The following ADAM22 variants were observed in gnomAD, a reference collection of about 807,000 sequenced individuals.
The protein encoded by ADAM22 is ADAM metallopeptidase domain 22, also known as disintegrin and metalloproteinase domain-containing protein 22.
A neutral mutation model predicts 144.6 loss-of-function variants in ADAM22; 65 were observed. The ratio of observed to expected loss-of-function variants is 0.45; its 90% CI spans 0.37 to 0.55. ADAM22 has a LOEUF of 0.55. Among genes scored for constraint, ADAM22 ranks in the 20% least tolerant of loss-of-function variants. The probability of loss-of-function intolerance (pLI) is 0.00; values close to 1 mark genes in which losing one functional copy is unlikely to be tolerated. For synonymous variants in ADAM22, 391 were observed against 412.6 expected (o/e 0.95, Z 0.63); for missense variants, 974 against 1,184.9 (o/e 0.82, Z 2.61).
intron 14 of ADAM22, among the ~76,000 whole-genome samples, chr7:88,142,724 G>A (rs1835104937): frequency 6.6e-6 from 1 of 151,958 alleles, no homozygotes; most frequent in Non-Finnish European, 1.5e-5. Context: ...TGTAGTCCCA[G>A]CTACTCGGGA....
chr7:87,951,701 GATGGCATTGAATCTATAAATTACCT>G (rs1214728540), intron 2 of ADAM22, among the ~76,000 whole-genome samples: 2 of 87,394 alleles, frequency 2.3e-5, no homozygotes, highest in African/African-American at 1.2e-4. Flanking sequence ...GCTTGATGGG[GATGGCATTGAATCTATAAATTACCT>G]TGGGCAGTAT....
intron 2 of ADAM22, among the ~76,000 whole-genome samples, chr7:87,939,336 G>A (rs989584542): frequency 6.6e-6 from 1 of 152,206 alleles, no homozygotes; most frequent in African/African-American, 2.4e-5. Context: ...GGACAGATAA[G>A]ATAAAACAGG....
chr7:88,018,762 TG>T (rs1435986730), intron 3 of ADAM22, among the ~76,000 whole-genome samples: 10 of 150,914 alleles, frequency 6.6e-5, no homozygotes, highest in Non-Finnish European at 1.5e-4. Flanking sequence ...GGAGATCAAA[TG>T]TTGTTTAAAT....
intron 3 of ADAM22, among the ~76,000 whole-genome samples, chr7:88,017,836 C>CAT (rs547154427): frequency 6.8e-6 from 1 of 147,400 alleles, no homozygotes; most frequent in Non-Finnish European, 1.5e-5. Flanking sequence ...TAAATACATA[C>CAT]ATATATATAC....
At chr7:88,109,244 CT>C (rs1299564938) in intron 5 of ADAM22, among the ~76,000 whole-genome samples, 3 of 152,030 alleles carry the variant, frequency 2.0e-5, no homozygotes, top group Admixed American at 6.6e-5. Flanking sequence ...AAAGTTCATC[CT>C]TCCTCAAGGC....
rs71120015 is a variant in ADAM22 at position 87,980,287 on chromosome 7, C to CTTTTTTTTTTTTTTT, written c.323+1887_323+1888insTTTTTTTTTTTTTTT. On this transcript the variant is annotated intron_variant, in intron 3 of 31. Coordinates refer to ENST00000413139, the MANE Select transcript of ADAM22 (RefSeq NM_001324418.2). ...TGGGCTGAGAAACATGCACTGTGCT[C>CTTTTTTTTTTTTTTT]TTTTTTTTTTTTGCCTGGGATCGAT... Among the ~76,000 whole-genome samples, 186 of 118,352 alleles carry CTTTTTTTTTTTTTTT rather than the reference C, an allele frequency of 1.6e-3. 4 individuals are homozygous for CTTTTTTTTTTTTTTT. Among genetic ancestry groups the CTTTTTTTTTTTTTTT allele is most frequent in the African/African-American group, 3.1e-3 (80 of 26,200 alleles). 77.6% of individuals were successfully genotyped at this position (118,352 alleles called of 152,430 possible).
intron 4 of ADAM22, among the ~76,000 whole-genome samples, chr7:88,082,735 A>G (rs1282850454): frequency 6.6e-6 from 1 of 152,188 alleles, no homozygotes; most frequent in Non-Finnish European, 1.5e-5. Flanking sequence ...ACACATGAAA[A>G]AATGCTCACC....
chr7:87,964,677 A>T, intron 2 of ADAM22: 1 of 425,152 alleles, frequency 2.4e-6, no homozygotes, highest in South Asian at 1.7e-5. Context: ...ACCATATACC[A>T]GATACAGGTA....
intron 3 of ADAM22, among the ~76,000 whole-genome samples, chr7:88,065,214 C>T (rs1300256266): frequency 1.3e-5 from 2 of 151,888 alleles, no homozygotes; most frequent in Non-Finnish European, 2.9e-5. Flanking sequence ...ATAATTGTTA[C>T]ATTCTCTCTA....
Position 88,145,493 on chromosome 7 carries a change from T to A in ADAM22, c.1471T>A (p.Cys491Ser), listed in dbSNP as rs1836110941. 1.2e-6 allele frequency: 2 copies of A among 1,613,244 alleles called. No individual in the cohort carries two copies. The highest frequency in any genetic ancestry group is 1.7e-6 in the Non-Finnish European group (2 of 1,179,468). ...CTCTCAATGCAGTGACGGTCTTTGC[T>A]GTAAAAAGTGCAAGGTAAATAAACA... Reference protein sequence around the residue: ...QDSQCSDGLCCKKCKFQPMGT... With the variant: ...QDSQCSDGLCSKKCKFQPMGT... The change falls in exon 17 of 32, where the codon TGT becomes AGT. Residue 491 changes from cysteine (C) to serine (S), a missense_variant. By Grantham distance (112) the Cys-to-Ser change is moderately radical (BLOSUM62 -1). This residue lies in a region of ADAM22 where 734 missense variants were observed against 950.6 expected (regional missense o/e 0.77). Transcript: ENST00000413139.
chr7:87,953,054 G>T (rs28895339), intron 2 of ADAM22, among the ~76,000 whole-genome samples: 2,963 of 150,972 alleles, frequency 0.02, 93 homozygotes, highest in African/African-American at 0.068. Flanking sequence ...TCTTGCTAGT[G>T]GTCTATCAAT....
chr7:88,004,954 A>G (rs921156357), intron 3 of ADAM22, among the ~76,000 whole-genome samples: 5 of 151,950 alleles, frequency 3.3e-5, no homozygotes, highest in Non-Finnish European at 5.9e-5. Context: ...TTGACTTTGG[A>G]TAATCCAGCA....
At chr7:88,038,525 A>G (rs974283589) in intron 3 of ADAM22, among the ~76,000 whole-genome samples, 1 of 142,210 alleles carries the variant, frequency 7.0e-6, no homozygotes, top group Admixed American at 7.2e-5. Context: ...TGCGATCTCG[A>G]CTCACTGCAA....
intron 2 of ADAM22, among the ~76,000 whole-genome samples, chr7:87,950,862 T>A (rs1844895958): frequency 6.7e-6 from 1 of 149,766 alleles, no homozygotes; most frequent in South Asian, 2.1e-4. Context: ...CTCATTGTGG[T>A]TTTGATTTGC....
At chr7:88,069,190 C>T (rs1812087557) in intron 3 of ADAM22, among the ~76,000 whole-genome samples, 1 of 151,844 alleles carries the variant, frequency 6.6e-6, no homozygotes, top group Admixed American at 6.6e-5. Context: ...TCTCTTCTCC[C>T]TGTCTCCTTC....
chr7:88,194,005 T>G (rs1430831601), intron 31 of ADAM22, among the ~76,000 whole-genome samples: 1 of 152,172 alleles, frequency 6.6e-6, no homozygotes, highest in Non-Finnish European at 1.5e-5. Flanking sequence ...AAATTACCAT[T>G]ATATGTTAAT....
At chr7:88,053,587 GGAAGGAAA>G (rs1351205093) in intron 3 of ADAM22, among the ~76,000 whole-genome samples, 2,704 of 118,730 alleles carry the variant, frequency 0.023, 45 homozygotes, top group East Asian at 0.057. Context: ...AAGGAAGGAA[GGAAGGAAA>G]GAAAGAAAGA....
chr7:88,011,943 C>G (rs1375060296), intron 3 of ADAM22, among the ~76,000 whole-genome samples: 1 of 151,696 alleles, frequency 6.6e-6, no homozygotes, highest in Non-Finnish European at 1.5e-5. Context: ...TTTGTTTTCT[C>G]TTGCTTGTTT....
chr7:88,067,242 CTT>C (rs75519498), intron 3 of ADAM22, among the ~76,000 whole-genome samples: 2 of 137,986 alleles, frequency 1.4e-5, no homozygotes, highest in African/African-American at 2.6e-5. Context: ...GGTACCTTGG[CTT>C]TTTTTTTTTT....
Sources: gnomAD v4.1 joint callset for allele counts (sites outside exome capture counted in the v4.1 genomes callset) on GRCh38, gnomAD v4.1.1 for gene constraint, gnomAD v4.1.1 regional missense constraint, MANE v1.5 for transcripts, NCBI Gene and HGNC (gene_info 2026-07-23, HGNC 2026-07-21) for gene names.